LARGE1: variants seen among roughly 807,000 people sequenced by gnomAD.
The protein encoded by LARGE1 is LARGE xylosyl- and glucuronyltransferase 1.
Under a neutral mutation model 87.6 loss-of-function variants are expected in LARGE1, and 43 were observed. The observed-to-expected ratio is 0.49, with a 90% CI of 0.38 to 0.63. LARGE1 has a LOEUF of 0.63. LARGE1 is among the 30% of genes least tolerant of loss of function. The probability of loss-of-function intolerance (pLI) is 0.00; values close to 1 mark genes in which losing one functional copy is unlikely to be tolerated. For missense variants in LARGE1, 802 were observed against 1,000.2 expected, an observed-to-expected ratio of 0.80 and a Z score of 2.67; for synonymous variants, 434 against 394.6, an observed-to-expected ratio of 1.10 and a Z score of -1.18.
intron 1 of LARGE1, among the ~76,000 whole-genome samples, chr22:33,840,699 C>A (rs1398151185): frequency 6.6e-6 from 1 of 151,564 alleles, no homozygotes; most frequent in Non-Finnish European, 1.5e-5. Context: ...GGGAAAGGGT[C>A]TCGCTCAGTC....
chr22:33,719,853 T>G (rs2083040441), intron 2 of LARGE1, among the ~76,000 whole-genome samples: 1 of 152,042 alleles, frequency 6.6e-6, no homozygotes, highest in Admixed American at 6.6e-5. Flanking sequence ...ACCTTTTCCA[T>G]GTTTAGGTAC....
At chr22:33,802,377 CCTTT>C (rs2086188718) in intron 1 of LARGE1, among the ~76,000 whole-genome samples, 1 of 152,142 alleles carries the variant, frequency 6.6e-6, no homozygotes, top group Middle Eastern at 3.2e-3. Context: ...TGGGAGTCTT[CCTTT>C]GATTATCACT....
chr22:33,438,058 G>C (rs1225715402), intron 6 of LARGE1, among the ~76,000 whole-genome samples: 1 of 151,988 alleles, frequency 6.6e-6, no homozygotes, highest in African/African-American at 2.4e-5. Flanking sequence ...TAGGAGAGAA[G>C]TCCCCTCTGC....
At chr22:33,082,016 C>T in the LARGE1 span, among the ~76,000 whole-genome samples, 6 of 152,014 alleles carry the variant, frequency 3.9e-5, no homozygotes, top group African/African-American at 1.2e-4. Flanking sequence ...TTGTTATTGT[C>T]GTTGTTATTA....
At chr22:33,179,126 T>A (rs2146159760) in intron 11 of LARGE1, among the ~76,000 whole-genome samples, 1 of 152,278 alleles carries the variant, frequency 6.6e-6, no homozygotes, top group South Asian at 2.1e-4. Context: ...CTAATCCTAA[T>A]TACTTCTCCA....
intron 14 of LARGE1, among the ~76,000 whole-genome samples, chr22:33,275,545 G>T (rs968667466): frequency 2.0e-5 from 3 of 152,090 alleles, no homozygotes; most frequent in African/African-American, 7.2e-5. Context: ...GAAAATGCAA[G>T]ATCTCCCAGA....
chr22:33,905,930 GA>G (rs1475719584), intron 1 of LARGE1, among the ~76,000 whole-genome samples: 3 of 152,114 alleles, frequency 2.0e-5, no homozygotes, highest in African/African-American at 7.2e-5. Flanking sequence ...AGGAGTTCGA[GA>G]CCAGCGTGAC....
At chr22:33,663,927 C>A (rs2081198782) in intron 2 of LARGE1, among the ~76,000 whole-genome samples, 1 of 152,182 alleles carries the variant, frequency 6.6e-6, no homozygotes, top group African/African-American at 2.4e-5. Context: ...CAACACCTGG[C>A]TCAATAATTT....
chr22:33,138,415 G>A, the LARGE1 span, among the ~76,000 whole-genome samples: 6 of 151,918 alleles, frequency 3.9e-5, no homozygotes, highest in Middle Eastern at 3.4e-3. Flanking sequence ...GCCTTGTCTC[G>A]GATGAGACTT....
At chr22:33,685,660 A>G (rs903067743) in intron 2 of LARGE1, among the ~76,000 whole-genome samples, 1 of 152,210 alleles carries the variant, frequency 6.6e-6, no homozygotes, top group Non-Finnish European at 1.5e-5. Context: ...ACACTGCTCT[A>G]TCAAGTTCTG....
At chr22:33,436,069 T>C (rs984329108) in intron 6 of LARGE1, among the ~76,000 whole-genome samples, 1 of 152,204 alleles carries the variant, frequency 6.6e-6, no homozygotes, top group Non-Finnish European at 1.5e-5. Context: ...GAGGGAACCA[T>C]GAACATCAAT....
chr22:33,692,536 C>G (rs1168355491), intron 2 of LARGE1, among the ~76,000 whole-genome samples: 1 of 152,182 alleles, frequency 6.6e-6, no homozygotes, highest in South Asian at 2.1e-4. Flanking sequence ...GTCATGAACT[C>G]CTGACCTCAG....
chr22:33,376,545 C>A (rs2065000491), intron 9 of LARGE1, among the ~76,000 whole-genome samples: 1 of 152,172 alleles, frequency 6.6e-6, no homozygotes, highest in South Asian at 2.1e-4. Flanking sequence ...TGTTTTCATG[C>A]TGTAGACAGC....
At chr22:33,907,824 C>T (rs534802310) in intron 1 of LARGE1, among the ~76,000 whole-genome samples, 13 of 152,246 alleles carry the variant, frequency 8.5e-5, no homozygotes, top group African/African-American at 2.9e-4. Context: ...GTCTCAATCT[C>T]CTGACCTCGT....
intron 1 of LARGE1, among the ~76,000 whole-genome samples, chr22:33,879,977 T>G (rs2064622996): frequency 6.6e-6 from 1 of 152,240 alleles, no homozygotes. Context: ...TTCACTCTTC[T>G]GAATTCTGAT....
rs1926779065 is a variant in LARGE1 at position 33,246,783 on chromosome 22, A to G, written c.1730+57446T>C. ...TCAATTTCTCAAATACGTGTAATGT[A>G]TATATGACATAGAGTGTGGTCAACA... On this transcript the variant is annotated intron_variant, in intron 11 of 11. Coordinates refer to the LARGE1 transcript ENST00000608642. 2.6e-5 allele frequency among the ~76,000 whole-genome samples: 4 copies of G among 152,232 alleles called. No individual in the cohort carries two copies. In the South Asian group the frequency reaches 8.3e-4, roughly 31 times the overall value.
the LARGE1 span, among the ~76,000 whole-genome samples, chr22:33,117,078 G>A: frequency 1.3e-5 from 2 of 152,188 alleles, no homozygotes; most frequent in African/African-American, 4.8e-5. Context: ...GCCTCTCTGA[G>A]TCTCATGTCT....
At chr22:33,574,813 G>C (rs920965497) in intron 5 of LARGE1, among the ~76,000 whole-genome samples, 3 of 151,618 alleles carry the variant, frequency 2.0e-5, no homozygotes, top group African/African-American at 7.3e-5. Context: ...GGAAAGGTAG[G>C]ACAGGATCAA....
chr22:33,808,696 C>T (rs1013687700), intron 1 of LARGE1, among the ~76,000 whole-genome samples: 4 of 152,200 alleles, frequency 2.6e-5, no homozygotes, highest in African/African-American at 9.7e-5. Flanking sequence ...ACTGGAGTTG[C>T]ACTTCTTTGA....
Sources: gnomAD v4.1 joint callset for allele counts (sites outside exome capture counted in the v4.1 genomes callset) on GRCh38, gnomAD v4.1.1 for gene constraint, MANE v1.5 for transcripts, NCBI Gene and HGNC (gene_info 2026-07-23, HGNC 2026-07-21) for gene names.